Variants in MAN2B2 observed in about 807,000 individuals in gnomAD.
The protein encoded by MAN2B2 is mannosidase alpha class 2B member 2.
MAN2B2 carries 106 observed loss-of-function variants against 117.1 expected under a neutral mutation model. The observed-to-expected ratio is 0.90, with a 90% confidence interval of 0.77 to 1.06. The LOEUF (loss-of-function observed/expected upper bound fraction) is 1.06. Among genes scored for constraint, MAN2B2 ranks in the 50% least tolerant of loss-of-function variants. MAN2B2 has a pLI of 0.00. For missense variants in MAN2B2, 1,326 were observed against 1,381.4 expected (o/e 0.96, Z 0.64); for synonymous variants, 544 against 595.1 (o/e 0.91, Z 1.25).
intron 4 of MAN2B2, among the ~76,000 whole-genome samples, chr4:6,588,251 GGGGCT>G (rs1164527205): frequency 6.6e-6 from 1 of 152,200 alleles, no homozygotes; most frequent in Non-Finnish European, 1.5e-5. Context: ...TGTGAGGGAA[GGGGCT>G]GCTCCAGGCC....
Position 6,587,084 on chromosome 4 carries a change from C to T in MAN2B2, c.480C>T (p.Pro160=). Residue 160 remains proline (P), a synonymous_variant, in exon 4 of 19, where the codon CCC becomes CCT. Coordinates refer to ENST00000285599, the MANE Select transcript of MAN2B2 (RefSeq NM_015274.3). ...VDPFGASATT[P]TLFALAGFNA... is the part of the protein sequence containing the mutation. ...CGTTTGGCGCCTCTGCCACGACGCC[C>T]ACCCTATTTGCGCTGGCGGGCTTCA... 3.7e-6 allele frequency: 6 copies of T among 1,614,058 alleles called. No individual in the cohort carries two copies. Among genetic ancestry groups the T allele is most frequent in the Non-Finnish European group, 5.1e-6 (6 of 1,180,022 alleles).
chr4:6,586,358 C>G (rs938630738), intron 3 of MAN2B2, among the ~76,000 whole-genome samples: 1 of 152,182 alleles, frequency 6.6e-6, no homozygotes. Flanking sequence ...ACATTGCTGG[C>G]CTTGGACGTC....
At chr4:6,609,575 G>T in intron 12 of MAN2B2, 1 of 641,858 alleles carries the variant, frequency 1.6e-6, no homozygotes, top group Non-Finnish European at 2.7e-6. Context: ...CAGAGCAGAC[G>T]TAAGGCAGGC....
chr4:6,596,981 C>T (rs1217132168), intron 7 of MAN2B2, 132 bp from the exon 8 acceptor site: 9 of 858,516 alleles, frequency 1.0e-5, no homozygotes, highest in East Asian at 2.7e-5. Flanking sequence ...GCTGCCTGCC[C>T]GGCCTGCCTC....
chr4:6,607,144 A>G (rs572765888), intron 11 of MAN2B2, among the ~76,000 whole-genome samples: 1 of 152,320 alleles, frequency 6.6e-6, no homozygotes, highest in Admixed American at 6.5e-5. Flanking sequence ...TTACCTGTTC[A>G]TACAATATGT....
At position 6,576,618 on chromosome 4, in the gene MAN2B2, T is replaced by C. The variant is rs767490700; in HGVS notation, c.179T>C (p.Val60Ala). ...RAYAANVYTS[V>A]VEELARGQQR... ...TACGCCGCCAATGTCTACACCTCAG[T>C]GGTGGAAGAGCTGGCCCGCGGCCAG... The change falls in exon 2 of 19, where the codon GTG becomes GCG. Residue 60 changes from valine (V) to alanine (A), a missense_variant. Val to Ala is a moderately conservative substitution (Grantham distance 64, BLOSUM62 0). Transcript: ENST00000285599. The C allele has an allele frequency of 6.2e-7, 1 of 1,611,664 alleles. No homozygotes were observed. Among genetic ancestry groups the C allele is most frequent in the South Asian group, 1.1e-5 (1 of 91,022 alleles).
intron 10 of MAN2B2, among the ~76,000 whole-genome samples, chr4:6,601,965 A>C (rs1427188254): frequency 3.3e-5 from 5 of 152,164 alleles, no homozygotes; most frequent in African/African-American, 1.2e-4. Context: ...GGGGAGTTGG[A>C]TCTACCCAGC....
intron 7 of MAN2B2, among the ~76,000 whole-genome samples, chr4:6,596,681 C>A (rs564496410): frequency 6.6e-6 from 1 of 152,180 alleles, no homozygotes; most frequent in Non-Finnish European, 1.5e-5. Context: ...CCCATGCCCA[C>A]GTCACACATG....
At chr4:6,607,712 T>C (rs1367021453) in intron 11 of MAN2B2, among the ~76,000 whole-genome samples, 1 of 152,228 alleles carries the variant, frequency 6.6e-6, no homozygotes, top group Non-Finnish European at 1.5e-5. Context: ...AGTTTTTGTG[T>C]GGACATACAT....
At position 6,593,324 on chromosome 4, in the gene MAN2B2, C is replaced by T. The variant is rs769800406; in HGVS notation, c.832C>T (p.Arg278Trp). 2.0e-5 allele frequency: 32 copies of T among 1,613,306 alleles called. No homozygotes were observed. The highest frequency in any genetic ancestry group is 1.6e-4 in the Middle Eastern group (1 of 6,076). The change falls in exon 6 of 19, where the codon CGG (arginine) becomes TGG (tryptophan). Residue 278 changes from arginine (R) to tryptophan (W), a missense_variant. By Grantham distance (101) the Arg-to-Trp change is moderately radical. Coordinates refer to ENST00000285599, the MANE Select transcript of MAN2B2 (RefSeq NM_015274.3). Reference sequence around the variant, plus strand: ...CGTGAAGCAGAGGGCCGCCTGGTTCCGGACACCGCACGTCCTCTGGCCCTG... The same window carrying T: ...CGTGAAGCAGAGGGCCGCCTGGTTCTGGACACCGCACGTCCTCTGGCCCTG... Reference protein sequence around the residue: ...ANVKQRAAWFRTPHVLWPWGC... With the variant: ...ANVKQRAAWFWTPHVLWPWGC...
At position 6,575,293 on chromosome 4, in the gene MAN2B2, G is replaced by T; in HGVS notation, c.83G>T (p.Arg28Leu). Reference protein sequence around the residue: ...PPGVQSAGPIRAFVVPHSHMD... With the variant: ...PPGVQSAGPILAFVVPHSHMD... The stretch of plus-strand genomic sequence containing the variant: ...GGGGTCCAGTCCGCCGGCCCCATCC[G>T]GGCCTTCGTGGTGCCCCACAGCCAC... The change falls in exon 1 of 19, where the codon CGG (arginine) becomes CTG (leucine). Residue 28 changes from arginine to leucine, a missense_variant. Physicochemically the swap from Arg to Leu is moderately radical, Grantham distance 102. Transcript: ENST00000285599. The T allele has an allele frequency of 6.4e-7, 1 of 1,570,772 alleles. No individual in the cohort carries two copies. Among genetic ancestry groups the T allele is most frequent in the Non-Finnish European group, 8.6e-7 (1 of 1,164,146 alleles).
Position 6,614,257 on chromosome 4 carries a change from C to T in MAN2B2, c.2603C>T (p.Ala868Val), listed in dbSNP as rs766820495. The change falls in exon 16 of 19, where the codon GCC becomes GTC. Residue 868 changes from alanine to valine, a missense_variant. Transcript: ENST00000285599. ...CTCCCAGGACCCCAGCAGCAAGAGG[C>T]CGTGACGCTGCCCCCGAATCTTCAC... ...PKLPGPQQQE[A>V]VTLPPNLHLQ... is the part of the protein sequence containing the mutation. 1.2e-6 allele frequency: 2 copies of T among 1,614,098 alleles called. No homozygotes were observed. Among genetic ancestry groups the T allele is most frequent in the Non-Finnish European group, 1.7e-6 (2 of 1,180,000 alleles).
intron 3 of MAN2B2, among the ~76,000 whole-genome samples, chr4:6,586,249 T>TG (rs1726630000): frequency 6.6e-6 from 1 of 151,980 alleles, no homozygotes; most frequent in Admixed American, 6.6e-5. Context: ...TGTGTAGAGA[T>TG]GGGGTCTCAC....
At chr4:6,579,826 C>T (rs1410360311) in intron 3 of MAN2B2, among the ~76,000 whole-genome samples, 1 of 152,228 alleles carries the variant, frequency 6.6e-6, no homozygotes, top group African/African-American at 2.4e-5. Context: ...CTCTACTCAC[C>T]ATTTACCAAA....
chr4:6,619,914 C>T lies in MAN2B2; in HGVS notation c.2815-13C>T. 1 of 1,611,062 alleles carries T rather than the reference C, an allele frequency of 6.2e-7. No individual in the cohort carries two copies. The highest frequency in any genetic ancestry group is 8.5e-7 in the Non-Finnish European group (1 of 1,177,648). On this transcript the variant is annotated splice_polypyrimidine_tract_variant and intron_variant, in intron 17 of 18. Coordinates refer to ENST00000285599, the MANE Select transcript of MAN2B2 (RefSeq NM_015274.3). The stretch of plus-strand genomic sequence containing the variant: ...TGGTGCAGCTCACTCTCCCTCTGCT[C>T]CTCTCCCTGCAGGCTGTGCTGCAGG...
At chr4:6,619,841 G>T in intron 17 of MAN2B2, 86 bp from the exon 18 acceptor site, 1 of 1,210,078 alleles carries the variant, frequency 8.3e-7, no homozygotes, top group Non-Finnish European at 1.2e-6. Flanking sequence ...CGAGTTCGTG[G>T]TGTGTCTGCC....
In MAN2B2 at chr4:6,605,255, G is replaced by C; in HGVS notation, c.1740G>C (p.Leu580Phe). The C allele has an allele frequency of 6.2e-7, 1 of 1,614,198 alleles. No individual in the cohort carries two copies. Among genetic ancestry groups the C allele is most frequent in the South Asian group, 1.1e-5 (1 of 91,082 alleles). The change falls in exon 11 of 19, where the codon TTG becomes TTC. Residue 580 changes from leucine (L) to phenylalanine (F), a missense_variant. Transcript: ENST00000285599. ...GCACCAGCCATGCGGGCAGGTACTT[G>C]GTGCCTGTGGCAAACGACTGCTACA... ...RRRTSHAGRY[L>F]VPVANDCYIV...
chr4:6,579,274 CCACCACCAT>C (rs1560634893), intron 3 of MAN2B2, among the ~76,000 whole-genome samples: 2 of 105,622 alleles, frequency 1.9e-5, no homozygotes. Flanking sequence ...ACCACCATCA[CCACCACCAT>C]CACCATCACC....
chr4:6,595,846 T>C (rs757855006), intron 7 of MAN2B2, among the ~76,000 whole-genome samples: 3 of 152,226 alleles, frequency 2.0e-5, no homozygotes, highest in Non-Finnish European at 4.4e-5. Context: ...TAGTCCTGCC[T>C]CTCTGGGCCC....
Sources: gnomAD v4.1 joint callset for allele counts (sites outside exome capture counted in the v4.1 genomes callset) on GRCh38, gnomAD v4.1.1 for gene constraint, MANE v1.5 for transcripts, NCBI Gene and HGNC (gene_info 2026-07-23, HGNC 2026-07-21) for gene names.